The following CFAP73 variants were observed in gnomAD, a reference collection of about 807,000 sequenced individuals.
The protein encoded by CFAP73 is cilia- and flagella-associated protein 73.
CFAP73 carries 33 observed loss-of-function variants against 42.9 expected under a neutral mutation model. The observed-to-expected ratio is 0.77, with a 90% CI of 0.58 to 1.03. The LOEUF is 1.03. Among genes scored for constraint, CFAP73 ranks in the 50% least tolerant of loss-of-function variants. CFAP73 has a pLI of 0.00. For synonymous variants in CFAP73, 162 were observed against 186.8 expected, an observed-to-expected ratio of 0.87 and a Z score of 1.08; for missense variants, 392 against 411.9, an observed-to-expected ratio of 0.95 and a Z score of 0.42.
rs753571951 is a variant in CFAP73 at position 113,158,871 on chromosome 12, T to C, written c.*182T>C. The C allele has an allele frequency of 2.5e-6, 4 of 1,591,036 alleles. No individual in the cohort carries two copies. The South Asian group carries it at 3.4e-5, about 13-fold the overall frequency. On this transcript the variant is annotated 3_prime_UTR_variant, in exon 8 of 8. Transcript: ENST00000335621. The surrounding 1 kb of genome is among the most constrained non-coding windows in gnomAD (Gnocchi z 4.9). ...ATCAAGGAGCCACGGGGCTGGGTCCTGGTCCTCACATCCTCTTCCGCATCT... is the reference window on the plus strand; with the variant it reads ...ATCAAGGAGCCACGGGGCTGGGTCCCGGTCCTCACATCCTCTTCCGCATCT...
At chr12:113,152,909 G>T (rs1369561505) in intron 3 of CFAP73, 22 bp downstream of exon 3, 1 of 1,505,482 alleles carries the variant, frequency 6.6e-7, no homozygotes, top group Admixed American at 2.0e-5. Flanking sequence ...CTCCTGGGGG[G>T]GAGGCGGGGC....
At chr12:113,150,731 C>T (rs571065308) in intron 1 of CFAP73, among the ~76,000 whole-genome samples, 7 of 152,248 alleles carry the variant, frequency 4.6e-5, no homozygotes, top group South Asian at 2.1e-4. Context: ...ACACTCCCTC[C>T]GCTCCCACTT....
At chr12:113,157,313 G>C (rs1416880243) in intron 6 of CFAP73, 1 of 451,320 alleles carries the variant, frequency 2.2e-6, no homozygotes, top group African/African-American at 1.9e-5. Context: ...AGAAAATAAA[G>C]CTGATTGATG....
In CFAP73 at chr12:113,157,617, C is replaced by T; in HGVS notation, c.865C>T (p.Gln289Ter). Residue 289 changes from glutamine (Q) to a stop codon, truncating the protein, a stop_gained, in exon 7 of 8, where the codon CAG becomes TAG. Transcript: ENST00000335621. LOFTEE classifies it high-confidence loss of function. ...GCCCCCCCAGGTGAAGCTGTTCATG[C>T]AGGACCTCTCTGCCATGCTGGCCGG... is the stretch of plus-strand genomic sequence containing the variant. Reference protein sequence around the residue: ...GQLEHVKLFMQDLSAMLAGLG... With the variant: ...GQLEHVKLFM 1.9e-6 allele frequency: 3 copies of T among 1,551,668 alleles called. No individual in the cohort carries two copies. Among genetic ancestry groups the T allele is most frequent in the South Asian group, 1.2e-5 (1 of 84,062 alleles).
Position 113,159,153 on chromosome 12 carries a change from C to G in CFAP73, c.*464C>G. 1 of 1,528,786 alleles carries G rather than the reference C, an allele frequency of 6.5e-7. No individual in the cohort carries two copies. 94.7% of individuals were successfully genotyped at this position (1,528,786 alleles called of 1,614,324 possible). ...AGGGAGCTCAGCTGTTGGGATCACTCCCAAGATCCCCTCCTCCCAGAAGCT... is the reference window on the plus strand; with the variant it reads ...AGGGAGCTCAGCTGTTGGGATCACTGCCAAGATCCCCTCCTCCCAGAAGCT... On this transcript the variant is annotated 3_prime_UTR_variant, in exon 8 of 8. Transcript: ENST00000335621.
intron 4 of CFAP73, 30 bp downstream of exon 4, chr12:113,153,438 GGCGCCACC>G: frequency 1.4e-6 from 2 of 1,381,850 alleles, no homozygotes; most frequent in Non-Finnish European, 1.9e-6. Context: ...CTGGGAGCTC[GGCGCCACC>G]GCGTGGCGCT....
At position 113,153,380 on chromosome 12, in the gene CFAP73, T is replaced by A; in HGVS notation, c.440T>A (p.Leu147Gln). The A allele has an allele frequency of 6.8e-7, 1 of 1,468,054 alleles. No individual in the cohort carries two copies. Among genetic ancestry groups the A allele is most frequent in the Non-Finnish European group, 9.0e-7 (1 of 1,116,670 alleles). 90.9% of individuals were successfully genotyped at this position (1,468,054 alleles called of 1,614,324 possible). A position where few individuals can be genotyped will look rare whatever the true frequency, so the allele number is the denominator to read the frequency against. ...LKRLEPCARL[L>Q]EQALELLPGF... ...CGCCTGGAGCCCTGCGCGCGCCTGCTGGAGCAAGCGCTGGAGCTGCTGCCC... is the reference window on the plus strand; with the variant it reads ...CGCCTGGAGCCCTGCGCGCGCCTGCAGGAGCAAGCGCTGGAGCTGCTGCCC... Residue 147 changes from leucine to glutamine, a missense_variant, in exon 4 of 8, where the codon CTG (leucine) becomes CAG (glutamine). Transcript: ENST00000335621.
intron 1 of CFAP73, 128 bp downstream of exon 1, chr12:113,150,041 T>G: frequency 1.2e-6 from 1 of 845,826 alleles, no homozygotes; most frequent in Admixed American, 2.3e-5. Context: ...TGTCCCCACT[T>G]CACAGAGGAG....
chr12:113,157,811 T>C, intron 7 of CFAP73, 121 bp downstream of exon 7: 1 of 769,444 alleles, frequency 1.3e-6, no homozygotes, highest in Non-Finnish European at 2.2e-6. Flanking sequence ...ATGGGAGGGC[T>C]GTGCCTGTTC....
Position 113,154,712 on chromosome 12 carries a change from TGAG to T in CFAP73, c.690+80_690+82del. 2.9e-6 allele frequency: 4 copies of T among 1,371,302 alleles called. No individual in the cohort carries two copies. Among genetic ancestry groups the T allele is most frequent in the Non-Finnish European group, 3.7e-6 (4 of 1,070,918 alleles). 84.9% of individuals were successfully genotyped at this position (1,371,302 alleles called of 1,614,324 possible). The stretch of plus-strand genomic sequence containing the variant: ...GGGCGGGGAGGAACGCCAGGGCTGA[TGAG>T]GACCGATGGGGCAATGCTTACCCCA... On this transcript the variant is annotated intron_variant, in intron 5 of 7. Transcript: ENST00000335621. The surrounding 1 kb of genome is among the most constrained non-coding windows in gnomAD (Gnocchi z 4.7).
Position 113,154,281 on chromosome 12 carries a change from C to A in CFAP73, c.469-133C>A, listed in dbSNP as rs1246217101. 1.8e-6 allele frequency: 2 copies of A among 1,127,706 alleles called. No homozygotes were observed. The highest frequency in any genetic ancestry group is 2.5e-6 in the Non-Finnish European group (2 of 789,104). 69.9% of individuals were successfully genotyped at this position (1,127,706 alleles called of 1,614,324 possible). On this transcript the variant is annotated intron_variant, in intron 4 of 7. Coordinates refer to ENST00000335621, the MANE Select transcript of CFAP73 (RefSeq NM_001144872.3). This position sits in a 1 kb window ranked among gnomAD's most constrained non-coding sequence, Gnocchi z 4.7. Reference sequence around the variant, plus strand: ...TGACAGAGCGAGACCTTGTCTCTAACAAATGGAGGTTGACATTTAAGTCAC... The same window carrying A: ...TGACAGAGCGAGACCTTGTCTCTAAAAAATGGAGGTTGACATTTAAGTCAC...
chr12:113,152,902 C>T lies in CFAP73; in HGVS notation c.267+15C>T. 6.5e-7 allele frequency: 1 copy of T among 1,532,442 alleles called. No homozygotes were observed. 94.9% of individuals were successfully genotyped at this position (1,532,442 alleles called of 1,614,324 possible). On this transcript the variant is annotated intron_variant, in intron 3 of 7. Transcript: ENST00000335621. ...AGTTTTTGCAGGTAGGTGGAGCCTC[C>T]TGGGGGGGAGGCGGGGCCTATGGGT...
chr12:113,154,651 G>C lies in CFAP73; in HGVS notation c.690+16G>C. On this transcript the variant is annotated intron_variant, in intron 5 of 7. Coordinates refer to ENST00000335621, the MANE Select transcript of CFAP73 (RefSeq NM_001144872.3). This position sits in a 1 kb window ranked among gnomAD's most constrained non-coding sequence, Gnocchi z 4.7. ...GCTGCAGTGGGTACGACCCGCCCTA[G>C]GTGGGGGGCGCTCCGGACCCCAGGC... 3 of 1,385,590 alleles carry C rather than the reference G, an allele frequency of 2.2e-6. No individual in the cohort carries two copies. Among genetic ancestry groups the C allele is most frequent in the Middle Eastern group, 2.7e-4 (1 of 3,748 alleles). The allele number at this position is 1,385,590 out of a possible 1,614,324, so 85.8% of individuals were successfully genotyped here. A position where few individuals can be genotyped will look rare whatever the true frequency, so the allele number is the denominator to read the frequency against.
intron 6 of CFAP73, among the ~76,000 whole-genome samples, chr12:113,155,859 G>A (rs963447245): frequency 6.6e-6 from 1 of 152,010 alleles, no homozygotes; most frequent in Non-Finnish European, 1.5e-5. Context: ...TGCACAGAGA[G>A]GCCTCAGCTT....
At position 113,153,221 on chromosome 12, in the gene CFAP73, G is replaced by A. The variant is rs746449458; in HGVS notation, c.281G>A (p.Arg94Gln). 1 of 1,518,926 alleles carries A rather than the reference G, an allele frequency of 6.6e-7. No homozygotes were observed. Among genetic ancestry groups the A allele is most frequent in the South Asian group, 1.2e-5 (1 of 82,522 alleles). 94.1% of individuals were successfully genotyped at this position (1,518,926 alleles called of 1,614,324 possible). Reference protein sequence around the residue: ...FDKFLQDSEARRNRALRRAAE... With the variant: ...FDKFLQDSEAQRNRALRRAAE... ...CGTACTCCCCAGGACTCCGAGGCCC[G>A]GCGCAATCGCGCGCTGCGGAGGGCG... The change falls in exon 4 of 8, where the codon CGG (arginine) becomes CAG (glutamine). Residue 94 changes from arginine to glutamine, a missense_variant. Coordinates refer to ENST00000335621, the MANE Select transcript of CFAP73 (RefSeq NM_001144872.3).
Position 113,158,888 on chromosome 12 carries a change from T to C in CFAP73, c.*199T>C. The C allele has an allele frequency of 6.2e-7, 1 of 1,602,482 alleles. No individual in the cohort carries two copies. Among genetic ancestry groups the C allele is most frequent in the Non-Finnish European group, 8.5e-7 (1 of 1,171,736 alleles). The stretch of plus-strand genomic sequence containing the variant: ...CTGGGTCCTGGTCCTCACATCCTCT[T>C]CCGCATCTTGCCCTTCTTGGAGCGG... On this transcript the variant is annotated 3_prime_UTR_variant, in exon 8 of 8. Coordinates refer to ENST00000335621, the MANE Select transcript of CFAP73 (RefSeq NM_001144872.3). The surrounding 1 kb of genome is among the most constrained non-coding windows in gnomAD (Gnocchi z 4.9).
chr12:113,157,345 T>G, intron 6 of CFAP73: 1 of 516,830 alleles, frequency 1.9e-6, no homozygotes, highest in East Asian at 2.9e-5. Context: ...ACTAATTGGA[T>G]AGTGCAGGTG....
At chr12:113,152,138 C>T (rs993777123) in intron 2 of CFAP73, 115 bp downstream of exon 2, 3 of 709,552 alleles carry the variant, frequency 4.2e-6, no homozygotes, top group Non-Finnish European at 7.2e-6. Context: ...CCTTGATTTC[C>T]TCATCGTCAA....
At chr12:113,155,185 A>G (rs1048376118) in intron 5 of CFAP73, 75 bp from the exon 6 acceptor site, 22 of 1,345,298 alleles carry the variant, frequency 1.6e-5, no homozygotes, top group Non-Finnish European at 2.2e-5. Context: ...GAAAAAAAAA[A>G]AAAGTGGCTG....
Sources: allele counts gnomAD v4.1 joint callset (sites outside exome capture counted in the v4.1 genomes callset), GRCh38; gene constraint gnomAD v4.1.1; non-coding constraint Gnocchi (gnomAD v3.1); transcripts MANE v1.5; gene names NCBI Gene and HGNC (gene_info 2026-07-23, HGNC 2026-07-21).